SDF4: variants seen among roughly 807,000 people sequenced by gnomAD.
SDF4 encodes the protein stromal cell derived factor 4.
Under a neutral mutation model 34.2 loss-of-function variants are expected in SDF4, and 22 were observed. The observed-to-expected ratio is 0.64, with a 90% CI of 0.46 to 0.92. The LOEUF (loss-of-function observed/expected upper bound fraction) is 0.92. SDF4 is among the 40% of genes least tolerant of loss of function. SDF4 has a pLI of 0.00. For synonymous variants in SDF4, 236 were observed against 203.1 expected, an observed-to-expected ratio of 1.16 and a Z score of -1.38; for missense variants, 447 against 499.9, an observed-to-expected ratio of 0.89 and a Z score of 1.01.
At chr1:1,226,606 G>A (rs1638318269) in intron 2 of SDF4, among the ~76,000 whole-genome samples, 1 of 150,630 alleles carries the variant, frequency 6.6e-6, no homozygotes, top group Admixed American at 6.6e-5. Context: ...AGAAGGGCGA[G>A]AAGGGACCCG....
intron 4 of SDF4, among the ~76,000 whole-genome samples, chr1:1,222,321 GC>G (rs898395621): frequency 3.9e-5 from 6 of 152,228 alleles, no homozygotes; most frequent in Non-Finnish European, 5.9e-5. Flanking sequence ...CCCAGACCTG[GC>G]CCCGTGCAGG....
At chr1:1,229,409 G>A (rs974097705) in intron 1 of SDF4, among the ~76,000 whole-genome samples, 3 of 152,136 alleles carry the variant, frequency 2.0e-5, no homozygotes, top group Non-Finnish European at 2.9e-5. Flanking sequence ...GACGGGTCTC[G>A]CTGTATTGCT....
At chr1:1,220,449 GA>G (rs1288482297) in intron 4 of SDF4, 1 of 1,187,756 alleles carries the variant, frequency 8.4e-7, no homozygotes, top group Non-Finnish European at 1.1e-6. Context: ...GAGGTCGCAG[GA>G]GTGACGCCTG....
At chr1:1,220,647 C>T in intron 4 of SDF4, 1 of 1,289,228 alleles carries the variant, frequency 7.8e-7, no homozygotes, top group Non-Finnish European at 1.0e-6. Flanking sequence ...AGAGTGAATT[C>T]TAAACACACC....
rs1035537116 is a variant in SDF4 at position 1,216,988 on chromosome 1, C to A, written c.*524G>T. ...ACAACAAATATTTGCATTTTCTCAG[C>A]GGCAGCTGCGGGACCTGGGTGGCTC... On this transcript the variant is annotated 3_prime_UTR_variant, in exon 7 of 7. Coordinates refer to ENST00000360001, the MANE Select transcript of SDF4 (RefSeq NM_016176.6). The A allele has an allele frequency of 6.6e-6, 1 of 152,236 alleles. No individual in the cohort carries two copies. Among genetic ancestry groups the A allele is most frequent in the Non-Finnish European group, 1.5e-5 (1 of 68,036 alleles). The allele number at this position is 152,236 out of a possible 1,614,324, so 9.4% of individuals were successfully genotyped here.
rs142683722 is a variant in SDF4 at position 1,220,432 on chromosome 1, G to A, written c.557-1505C>T. The stretch of plus-strand genomic sequence containing the variant: ...GACCCTCGCAGGAGCCATGCAGGGA[G>A]GGGTGGGAGGTCGCAGGAGTGACGC... On this transcript the variant is annotated intron_variant, in intron 4 of 6. Transcript: ENST00000360001. 2.1e-4 allele frequency: 245 copies of A among 1,181,790 alleles called. No homozygotes were observed. The African/African-American group carries it at 2.4e-3, about 11-fold the overall frequency. The allele number at this position is 1,181,790 out of a possible 1,614,324, so 73.2% of individuals were successfully genotyped here.
Position 1,217,468 on chromosome 1 carries a change from G to GC in SDF4, c.*43dup, listed in dbSNP as rs35068931. 1 of 1,400,354 alleles carries GC rather than the reference G, an allele frequency of 7.1e-7. No individual in the cohort carries two copies. The highest frequency in any genetic ancestry group is 9.3e-7 in the Non-Finnish European group (1 of 1,075,428). The allele number at this position is 1,400,354 out of a possible 1,614,324, so 86.7% of individuals were successfully genotyped here. Reference sequence around the variant, plus strand: ...GGAGCCCGGAGTCACCCGCGAGGCCGCCCCGGTGGTGCGTGGGGGGCGGCG... The same window carrying GC: ...GGAGCCCGGAGTCACCCGCGAGGCCGCCCCCGGTGGTGCGTGGGGGGCGGCG... On this transcript the variant is annotated 3_prime_UTR_variant, in exon 7 of 7. Transcript: ENST00000360001. This position sits in a 1 kb window ranked among gnomAD's most constrained non-coding sequence, Gnocchi z 8.5.
In SDF4 at chr1:1,225,587, C is replaced by T. The variant is rs150343455; in HGVS notation, c.306-1619G>A. On this transcript the variant is annotated intron_variant, in intron 2 of 6. Coordinates refer to ENST00000360001, the MANE Select transcript of SDF4 (RefSeq NM_016176.6). ...CAGCTCCACAGTCCCCAAAACACAC[C>T]GGCTGGGGACGGGGCCACCCGGGTG... Among the ~76,000 whole-genome samples, 226 of 152,326 alleles carry T rather than the reference C, an allele frequency of 1.5e-3. 1 individual carries two copies. Among genetic ancestry groups the T allele is most frequent in the African/African-American group, 5.0e-3 (206 of 41,584 alleles).
chr1:1,220,329 C>A, intron 4 of SDF4: 1 of 1,099,628 alleles, frequency 9.1e-7, no homozygotes, highest in Non-Finnish European at 1.1e-6. Flanking sequence ...GGGAGTGATG[C>A]CCGCCTGCCA....
chr1:1,226,400 C>T (rs113791678), intron 2 of SDF4, among the ~76,000 whole-genome samples: 4 of 119,738 alleles, frequency 3.3e-5, no homozygotes, highest in East Asian at 5.7e-4. Context: ...ACCCTCAACC[C>T]TGTACGGTCA....
chr1:1,230,555 G>T (rs933028979), intron 1 of SDF4, among the ~76,000 whole-genome samples: 1 of 151,906 alleles, frequency 6.6e-6, no homozygotes. Flanking sequence ...CCACCTCCCA[G>T]GTTCAAGTGA....
At chr1:1,226,945 C>A (rs1173764361) in intron 2 of SDF4, among the ~76,000 whole-genome samples, 2 of 152,166 alleles carry the variant, frequency 1.3e-5, no homozygotes, top group African/African-American at 2.4e-5. Flanking sequence ...GGGGCACCAG[C>A]AGCCTCTTCG....
At chr1:1,225,067 G>A (rs867820542) in intron 2 of SDF4, among the ~76,000 whole-genome samples, 44 of 152,332 alleles carry the variant, frequency 2.9e-4, no homozygotes, top group Middle Eastern at 6.8e-3. Flanking sequence ...GCGCAGGCCA[G>A]GTCAGGAGGC....
chr1:1,221,007 C>T, intron 4 of SDF4: 1 of 348,412 alleles, frequency 2.9e-6, no homozygotes, highest in Admixed American at 3.8e-5. Context: ...GTAATCCCGG[C>T]ATGCTGGGAG....
intron 4 of SDF4, chr1:1,221,484 CAT>C (rs980443554): frequency 6.6e-6 from 1 of 152,290 alleles, no homozygotes; most frequent in African/African-American, 2.4e-5. Context: ...GGGCTGGTCA[CAT>C]GATATGGGCC....
chr1:1,222,973 GT>G (rs1480857197), intron 4 of SDF4, among the ~76,000 whole-genome samples: 1 of 151,780 alleles, frequency 6.6e-6, no homozygotes, highest in Non-Finnish European at 1.5e-5. Context: ...ACGCACACAC[GT>G]ACAAGCACAT....
Position 1,218,651 on chromosome 1 carries a change from G to C in SDF4, c.716-18C>G. The C allele has an allele frequency of 6.2e-7, 1 of 1,613,508 alleles. No individual in the cohort carries two copies. The highest frequency in any genetic ancestry group is 8.5e-7 in the Non-Finnish European group (1 of 1,179,824). On this transcript the variant is annotated intron_variant, in intron 5 of 6. Coordinates refer to ENST00000360001, the MANE Select transcript of SDF4 (RefSeq NM_016176.6). This position sits in a 1 kb window ranked among gnomAD's most constrained non-coding sequence, Gnocchi z 7.9. ...GTCCTGGTCTGCGAGACGGGAATGG[G>C]TCAGCCCACACCCAGGCTGGGGCTC... is the stretch of plus-strand genomic sequence containing the variant.
At position 1,217,512 on chromosome 1, in the gene SDF4, T is replaced by C; in HGVS notation, c.1068A>G (p.Ter356TrpextTer64). 1.3e-6 allele frequency: 2 copies of C among 1,587,250 alleles called. No homozygotes were observed. Among genetic ancestry groups the C allele is most frequent in the Non-Finnish European group, 1.7e-6 (2 of 1,165,692 alleles). ...GGCGGCGCGGGGCGCGGCCGGGCGCTCAAAACTCCTCGTGCACGCTGCGCG... is the reference window on the plus strand; with the variant it reads ...GGCGGCGCGGGGCGCGGCCGGGCGCCCAAAACTCCTCGTGCACGCTGCGCG... ...DYARSVHEEF[*>W] The change falls in exon 7 of 7, where the codon TGA becomes TGG. Residue 356 changes from the stop codon to tryptophan, a stop_lost. Transcript: ENST00000360001. The surrounding 1 kb of genome is among the most constrained non-coding windows in gnomAD (Gnocchi z 8.5).
chr1:1,220,391 C>T, intron 4 of SDF4: 2 of 1,157,910 alleles, frequency 1.7e-6, no homozygotes, highest in Non-Finnish European at 1.1e-6. Flanking sequence ...GACAGCAGCC[C>T]CCGGACTCAC....
Sources: allele counts gnomAD v4.1 joint callset (sites outside exome capture counted in the v4.1 genomes callset), GRCh38; gene constraint gnomAD v4.1.1; non-coding constraint Gnocchi (gnomAD v3.1); transcripts MANE v1.5; gene names NCBI Gene and HGNC (gene_info 2026-07-23, HGNC 2026-07-21).